MGST1: variants seen among roughly 807,000 people sequenced by gnomAD.
MGST1 encodes the protein glutathione S-transferase 12.
A neutral mutation model predicts 8.9 loss-of-function variants in MGST1; 5 were observed. The ratio of observed to expected loss-of-function variants is 0.56; its 90% CI spans 0.29 to 1.19. The LOEUF (loss-of-function observed/expected upper bound fraction) is 1.19, where lower values mean the gene tolerates loss of function less well. MGST1 is among the 50% of genes most tolerant of loss of function. MGST1 has a pLI of 0.08. For missense variants in MGST1, 182 were observed against 187.4 expected (o/e 0.97, Z 0.17); for synonymous variants, 54 against 67.8 (o/e 0.80, Z 1.00).
At chr12:16,446,992 G>T (rs879437234) in intron 4 of MGST1, among the ~76,000 whole-genome samples, 1 of 151,808 alleles carries the variant, frequency 6.6e-6, no homozygotes, top group Non-Finnish European at 1.5e-5. Context: ...TATAGTCTTT[G>T]CAGCATGCCT....
intron 1 of MGST1, among the ~76,000 whole-genome samples, chr12:16,416,666 T>G (rs1230113589): frequency 1.3e-5 from 2 of 152,112 alleles, no homozygotes; most frequent in Admixed American, 6.6e-5. Flanking sequence ...ACCATCACAT[T>G]GGAGATTGGG....
chr12:16,586,087 T>A lies in MGST1; in HGVS notation n.483-3441T>A, dbSNP rs1943310631. Among the ~76,000 whole-genome samples the A allele has an allele frequency of 6.6e-6, 1 of 152,016 alleles. No individual in the cohort carries two copies. The highest frequency in any genetic ancestry group is 2.4e-5 in the African/African-American group (1 of 41,404). ...ACCTTGATGTACAATTCCATAAAAA[T>A]TTTTGAGGGGCCAAAACAATAGGGG... On this transcript the variant is annotated intron_variant and non_coding_transcript_variant, in intron 4 of 4. Transcript: ENST00000538857. The surrounding 1 kb of genome is among the most constrained non-coding windows in gnomAD (Gnocchi z 4.3).
intron 4 of MGST1, among the ~76,000 whole-genome samples, chr12:16,572,335 A>G (rs1942840954): frequency 7.1e-6 from 1 of 141,010 alleles, no homozygotes; most frequent in Admixed American, 7.7e-5. Context: ...TAGTGGTCCA[A>G]ACTCTTTTTT....
chr12:16,400,395 G>A (rs1940644011), intron 1 of MGST1: 1 of 817,714 alleles, frequency 1.2e-6, no homozygotes, highest in Admixed American at 1.7e-5. Flanking sequence ...CCTCCAGTGA[G>A]CCTTGCAGCC....
At chr12:16,476,785 G>T (rs547490241) in intron 4 of MGST1, among the ~76,000 whole-genome samples, 1 of 152,290 alleles carries the variant, frequency 6.6e-6, no homozygotes, top group South Asian at 2.1e-4. Flanking sequence ...TCCAGTCTTT[G>T]AAAGATAGCA....
chr12:16,591,418 C>T (rs936180452), downstream of MGST1, among the ~76,000 whole-genome samples: 1 of 152,040 alleles, frequency 6.6e-6, no homozygotes, highest in Non-Finnish European at 1.5e-5. The surrounding 1 kb of genome is among the most constrained non-coding windows in gnomAD (Gnocchi z 4.1). Flanking sequence ...TCTTGTACTG[C>T]TTCATTTTCT....
chr12:16,490,244 C>T (rs1258244692), intron 4 of MGST1, among the ~76,000 whole-genome samples: 1 of 152,162 alleles, frequency 6.6e-6, no homozygotes, highest in South Asian at 2.1e-4. Context: ...GCCTGGGCAA[C>T]AGACAGAGAC....
rs147427934 is a variant in MGST1, at chr12:16,486,088, C to T, written n.482+102484C>T. On this transcript the variant is annotated intron_variant and non_coding_transcript_variant, in intron 4 of 4. Coordinates refer to the MGST1 transcript ENST00000538857. Reference sequence around the variant, plus strand: ...ACATGGCTTGTTCCCTGCTCTTATTCAGGCCTTTGCCCAAATGGGACCTCG... The same window carrying T: ...ACATGGCTTGTTCCCTGCTCTTATTTAGGCCTTTGCCCAAATGGGACCTCG... Among the ~76,000 whole-genome samples, 157 of 152,298 alleles carry T rather than the reference C, an allele frequency of 1.0e-3. 3 individuals are homozygous for T. The East Asian group carries it at 0.026, about 25-fold the overall frequency.
chr12:16,418,828 A>C (rs1940807729), intron 1 of MGST1, among the ~76,000 whole-genome samples: 2 of 152,186 alleles, frequency 1.3e-5, no homozygotes, highest in Admixed American at 6.5e-5. Flanking sequence ...GTCCATAGTG[A>C]GTGCTCAAGA....
intron 4 of MGST1, among the ~76,000 whole-genome samples, chr12:16,464,839 T>G (rs182690335): frequency 1.1e-4 from 16 of 152,200 alleles, no homozygotes; most frequent in Non-Finnish European, 2.1e-4. Flanking sequence ...CTTAAATAAA[T>G]TTTTCAATAA....
downstream of MGST1, among the ~76,000 whole-genome samples, chr12:16,443,732 A>T (rs1169741609): frequency 6.6e-6 from 1 of 151,928 alleles, no homozygotes; most frequent in Non-Finnish European, 1.5e-5. Context: ...ATTGGCCAAC[A>T]GTCTCATATG....
chr12:16,405,271 G>A (rs1256018548), intron 1 of MGST1, among the ~76,000 whole-genome samples: 1 of 151,650 alleles, frequency 6.6e-6, no homozygotes, highest in Non-Finnish European at 1.5e-5. Flanking sequence ...GAAATTAATA[G>A]GATAAACCTC....
At chr12:16,376,820 A>G (rs1267675483) in exon 4 of MGST1, 1 of 152,096 alleles carries the variant, frequency 6.6e-6, no homozygotes, top group Non-Finnish European at 1.5e-5. Context: ...ATGATATAAT[A>G]TCATCTGTAT....
chr12:16,552,445 T>C (rs1448048586), intron 4 of MGST1, among the ~76,000 whole-genome samples: 2 of 152,012 alleles, frequency 1.3e-5, no homozygotes, highest in African/African-American at 2.4e-5. Context: ...TTTTGTGAAG[T>C]TGAAGGTTTA....
intron 4 of MGST1, among the ~76,000 whole-genome samples, chr12:16,470,676 A>T (rs1328787773): frequency 4.6e-5 from 7 of 152,196 alleles, no homozygotes; most frequent in African/African-American, 1.7e-4. Context: ...AGCTAATTGA[A>T]TCATTATACA....
intron 4 of MGST1, among the ~76,000 whole-genome samples, chr12:16,558,617 T>A (rs754188723): frequency 1.2e-4 from 18 of 152,258 alleles, no homozygotes; most frequent in African/African-American, 4.1e-4. Context: ...TGAATGAACT[T>A]ACTTTGATTC....
chr12:16,537,883 T>A lies in MGST1; in HGVS notation n.483-51645T>A, dbSNP rs769135144. On this transcript the variant is annotated intron_variant and non_coding_transcript_variant, in intron 4 of 4. Coordinates refer to the MGST1 transcript ENST00000538857. The surrounding 1 kb of genome is among the most constrained non-coding windows in gnomAD (Gnocchi z 4.6). ...TGGGAGGGGCTGCTGTGAAGACCTA[T>A]TGCATGCCCTAGGCACATTTTCCCC... Among the ~76,000 whole-genome samples, 15 of 152,300 alleles carry A rather than the reference T, an allele frequency of 9.8e-5. No individual in the cohort carries two copies. Among genetic ancestry groups the A allele is most frequent in the Non-Finnish European group, 1.9e-4 (13 of 68,022 alleles).
chr12:16,590,604 A>G (rs200837607), downstream of MGST1, among the ~76,000 whole-genome samples: 1 of 137,396 alleles, frequency 7.3e-6, no homozygotes, highest in African/African-American at 3.3e-5. Flanking sequence ...CCTAAGAATT[A>G]AAAAAAAAAA....
chr12:16,520,129 G>C (rs143389734), intron 4 of MGST1, among the ~76,000 whole-genome samples: 27 of 152,038 alleles, frequency 1.8e-4, no homozygotes, highest in African/African-American at 6.3e-4. Flanking sequence ...TGAAATTTTC[G>C]ACCCAGAAAT....
Sources: gnomAD v4.1 joint callset for allele counts (sites outside exome capture counted in the v4.1 genomes callset) on GRCh38, gnomAD v4.1.1 for gene constraint, Gnocchi (gnomAD v3.1) non-coding constraint, MANE v1.5 for transcripts, NCBI Gene and HGNC (gene_info 2026-07-23, HGNC 2026-07-21) for gene names.